Variants in SAMD5 observed in about 807,000 individuals in gnomAD.
The protein encoded by SAMD5 is sterile alpha motif domain-containing protein 5.
A neutral mutation model predicts 11.3 loss-of-function variants in SAMD5; 13 were observed. That is an observed-to-expected ratio of 1.15 (90% CI 0.75 to 1.83). The LOEUF is 1.83. SAMD5 is among the 40% of genes most tolerant of loss of function. The pLI is 0.00. For missense variants in SAMD5, 255 were observed against 239.1 expected, an observed-to-expected ratio of 1.07 and a Z score of -0.44; for synonymous variants, 129 against 111.3, an observed-to-expected ratio of 1.16 and a Z score of -1.00.
the SAMD5 span, among the ~76,000 whole-genome samples, chr6:147,796,697 G>A: frequency 6.6e-6 from 1 of 152,202 alleles, no homozygotes; most frequent in Admixed American, 6.5e-5. Flanking sequence ...TCCTACCCAT[G>A]AGCATGGAAT....
At chr6:147,793,602 A>C in the SAMD5 span, among the ~76,000 whole-genome samples, 1 of 152,138 alleles carries the variant, frequency 6.6e-6, no homozygotes, top group African/African-American at 2.4e-5. Flanking sequence ...GTATTATTTT[A>C]TTGTATGGAT....
chr6:147,848,620 A>C, the SAMD5 span, among the ~76,000 whole-genome samples: 3 of 152,130 alleles, frequency 2.0e-5, no homozygotes, highest in Admixed American at 2.0e-4. Flanking sequence ...TACCTGTAGA[A>C]CTCCAATTCT....
intron 1 of SAMD5, among the ~76,000 whole-genome samples, chr6:147,554,999 G>A (rs2128443480): frequency 6.6e-6 from 1 of 152,234 alleles, no homozygotes; most frequent in East Asian, 1.9e-4. Context: ...AAGCAACAGT[G>A]GATAAAAATG....
At chr6:147,950,068 A>G in the SAMD5 span, among the ~76,000 whole-genome samples, 2 of 152,242 alleles carry the variant, frequency 1.3e-5, no homozygotes, top group Non-Finnish European at 2.9e-5. Context: ...TAGAAAACCA[A>G]GACGGAATAT....
chr6:147,647,014 T>A (rs575838106), intron 1 of SAMD5, among the ~76,000 whole-genome samples: 22 of 128,558 alleles, frequency 1.7e-4, no homozygotes, highest in South Asian at 7.3e-4. Context: ...ATAATAATAA[T>A]AAAATAGCTG....
chr6:147,744,332 GCTAAATACATA>G, the SAMD5 span, among the ~76,000 whole-genome samples: 26 of 152,228 alleles, frequency 1.7e-4, no homozygotes, highest in South Asian at 3.9e-3. Context: ...CATAGTAAAT[GCTAAATACATA>G]CTTATCTAAG....
the SAMD5 span, among the ~76,000 whole-genome samples, chr6:147,844,210 G>C: frequency 6.6e-6 from 1 of 152,046 alleles, no homozygotes; most frequent in Admixed American, 6.6e-5. Context: ...CTCAAAAGAA[G>C]ACATACAAAT....
chr6:147,514,917 A>G (rs1788141397), intron 1 of SAMD5, among the ~76,000 whole-genome samples: 1 of 152,142 alleles, frequency 6.6e-6, no homozygotes, highest in African/African-American at 2.4e-5. Context: ...GAAGAGACAG[A>G]GGTAGTAGGA....
chr6:147,916,789 G>A, the SAMD5 span, among the ~76,000 whole-genome samples: 3 of 143,682 alleles, frequency 2.1e-5, no homozygotes, highest in Non-Finnish European at 1.5e-5. Flanking sequence ...TCCCACCTAT[G>A]AGTGAGAATA....
At chr6:147,817,870 A>C in the SAMD5 span, among the ~76,000 whole-genome samples, 1 of 152,060 alleles carries the variant, frequency 6.6e-6, no homozygotes, top group African/African-American at 2.4e-5. Context: ...AGTACTTTCT[A>C]CTCATCTGAA....
At chr6:147,798,927 C>G in the SAMD5 span, among the ~76,000 whole-genome samples, 2 of 152,028 alleles carry the variant, frequency 1.3e-5, no homozygotes, top group African/African-American at 4.8e-5. Flanking sequence ...CTTGGTAGAT[C>G]TTCCTCCATC....
At chr6:147,531,889 A>T (rs1788435588) in intron 1 of SAMD5, among the ~76,000 whole-genome samples, 1 of 152,216 alleles carries the variant, frequency 6.6e-6, no homozygotes, top group Non-Finnish European at 1.5e-5. Context: ...AACAGTTTTA[A>T]AAAGGAGGAA....
chr6:147,738,272 TG>T (rs1791834167), downstream of SAMD5, among the ~76,000 whole-genome samples: 1 of 152,200 alleles, frequency 6.6e-6, no homozygotes, highest in African/African-American at 2.4e-5. Flanking sequence ...CCTGTTGGGT[TG>T]GTGTCATCCT....
At chr6:147,765,772 A>G in the SAMD5 span, among the ~76,000 whole-genome samples, 1 of 152,114 alleles carries the variant, frequency 6.6e-6, no homozygotes, top group African/African-American at 2.4e-5. Context: ...CTTCTCCCCA[A>G]CTCATCCTCC....
chr6:147,554,068 G>C (rs1249134052), intron 1 of SAMD5, among the ~76,000 whole-genome samples: 1 of 152,024 alleles, frequency 6.6e-6, no homozygotes, highest in African/African-American at 2.4e-5. Flanking sequence ...GGAGGCCTCA[G>C]GAAACTTACA....
intron 1 of SAMD5, among the ~76,000 whole-genome samples, chr6:147,627,965 T>G (rs752329590): frequency 1.3e-5 from 2 of 152,260 alleles, no homozygotes; most frequent in Non-Finnish European, 2.9e-5. Context: ...TAAAGGCTGT[T>G]GTATTCCCCT....
the SAMD5 span, among the ~76,000 whole-genome samples, chr6:147,782,654 C>T: frequency 6.6e-6 from 1 of 152,194 alleles, no homozygotes; most frequent in Non-Finnish European, 1.5e-5. Flanking sequence ...TATTTGCTTA[C>T]TCAGGAAGGA....
At chr6:147,896,755 A>ACAAAAAACAAAC in the SAMD5 span, among the ~76,000 whole-genome samples, 5 of 142,462 alleles carry the variant, frequency 3.5e-5, no homozygotes, top group Non-Finnish European at 6.0e-5. Context: ...AAAAAAAAAA[A>ACAAAAAACAAAC]AAAAAAAACG....
At chr6:147,550,709 C>A (rs1190048861) in intron 1 of SAMD5, among the ~76,000 whole-genome samples, 3 of 151,832 alleles carry the variant, frequency 2.0e-5, no homozygotes, top group African/African-American at 7.3e-5. Flanking sequence ...AGAATGTGTA[C>A]AATAGACCTA....
Sources: gnomAD v4.1 joint callset for allele counts (sites outside exome capture counted in the v4.1 genomes callset) on GRCh38, gnomAD v4.1.1 for gene constraint, MANE v1.5 for transcripts, NCBI Gene and HGNC (gene_info 2026-07-23, HGNC 2026-07-21) for gene names.